Variants in RBFOX1 observed in about 807,000 individuals in gnomAD.
The protein encoded by RBFOX1 is RNA binding protein fox-1 homolog 1.
In RBFOX1, 8 loss-of-function variants were observed where a neutral mutation model predicts 57.7. That is an observed-to-expected ratio of 0.14 (90% CI 0.08 to 0.25). RBFOX1 has a LOEUF of 0.25. RBFOX1 is among the 10% of genes least tolerant of loss of function. RBFOX1 has a pLI of 1.00. For synonymous variants in RBFOX1, 326 were observed against 222.4 expected (o/e 1.47, Z -4.15); for missense variants, 611 against 548.5 (o/e 1.11, Z -1.14).
At chr16:6,252,258 C>T (rs1656993458) in intron 1 of RBFOX1, among the ~76,000 whole-genome samples, 1 of 152,020 alleles carries the variant, frequency 6.6e-6, no homozygotes, top group Non-Finnish European at 1.5e-5. Context: ...CACCCTAAAC[C>T]TGAAAAGAAG....
At chr16:6,044,660 A>G (rs972676980) in intron 1 of RBFOX1, among the ~76,000 whole-genome samples, 13 of 152,232 alleles carry the variant, frequency 8.5e-5, no homozygotes, top group South Asian at 4.1e-4. Flanking sequence ...GGCTTCCTTT[A>G]TATTTTTTAT....
chr16:7,567,140 C>CATATATATCCCTATATATATATCCAT (rs2091887571), intron 5 of RBFOX1, among the ~76,000 whole-genome samples: 22 of 57,676 alleles, frequency 3.8e-4, no homozygotes, highest in Admixed American at 6.8e-4. Context: ...TATGTATATC[C>CATATATATCCCTATATATATATCCAT]ATATATATCC....
chr16:6,210,387 A>G, intron 1 of RBFOX1, among the ~76,000 whole-genome samples: 1 of 147,754 alleles, frequency 6.8e-6, no homozygotes, highest in Non-Finnish European at 1.5e-5. Flanking sequence ...AAGAGAAAGG[A>G]AGGAAGGAAA....
At chr16:5,310,056 C>G (rs1250834815) in intron 1 of RBFOX1, among the ~76,000 whole-genome samples, 3 of 152,162 alleles carry the variant, frequency 2.0e-5, no homozygotes, top group African/African-American at 7.2e-5. Context: ...TCTTAGGATT[C>G]AGCTCTAATG....
intron 1 of RBFOX1, among the ~76,000 whole-genome samples, chr16:6,311,508 G>C (rs2080311628): frequency 6.6e-6 from 1 of 152,106 alleles, no homozygotes; most frequent in South Asian, 2.1e-4. Flanking sequence ...ATTCCATGCT[G>C]TCCTCACTGT....
At chr16:5,896,048 G>A (rs1254413257) in intron 4 of RBFOX1, among the ~76,000 whole-genome samples, 4 of 152,128 alleles carry the variant, frequency 2.6e-5, no homozygotes, top group Non-Finnish European at 5.9e-5. Context: ...CCGAGCCTGA[G>A]AGGGGATTTT....
At chr16:7,023,857 C>G (rs1054960512) in intron 3 of RBFOX1, among the ~76,000 whole-genome samples, 2 of 152,010 alleles carry the variant, frequency 1.3e-5, no homozygotes, top group South Asian at 2.1e-4. Context: ...TTCATCATCC[C>G]TATATATATT....
intron 1 of RBFOX1, among the ~76,000 whole-genome samples, chr16:5,424,731 T>C (rs2067461723): frequency 6.6e-6 from 1 of 151,970 alleles, no homozygotes; most frequent in Non-Finnish European, 1.5e-5. Flanking sequence ...CATGGGTCAG[T>C]TGAATATTGT....
At chr16:7,326,691 C>T (rs2096615874) in intron 4 of RBFOX1, among the ~76,000 whole-genome samples, 1 of 152,056 alleles carries the variant, frequency 6.6e-6, no homozygotes, top group South Asian at 2.1e-4. Context: ...GAGTAGGGCT[C>T]AAGGATGAGT....
chr16:6,621,963 T>C (rs1284184776), intron 2 of RBFOX1, among the ~76,000 whole-genome samples: 1 of 152,192 alleles, frequency 6.6e-6, no homozygotes, highest in African/African-American at 2.4e-5. Flanking sequence ...TACACAAAGG[T>C]GCTACATAAT....
intron 1 of RBFOX1, among the ~76,000 whole-genome samples, chr16:5,373,878 A>C (rs188062452): frequency 6.6e-6 from 1 of 152,240 alleles, no homozygotes; most frequent in Admixed American, 6.5e-5. Context: ...TGTTGGGATT[A>C]CAGGCATGAG....
intron 3 of RBFOX1, among the ~76,000 whole-genome samples, chr16:5,625,643 C>T (rs1247214591): frequency 1.3e-5 from 2 of 151,862 alleles, no homozygotes; most frequent in African/African-American, 2.4e-5. Flanking sequence ...CTGCAACCTC[C>T]GCCTCCTGGG....
chr16:6,816,852 C>T (rs895114077), intron 3 of RBFOX1, among the ~76,000 whole-genome samples: 4 of 152,190 alleles, frequency 2.6e-5, no homozygotes, highest in Admixed American at 1.3e-4. Flanking sequence ...TCAAACAGTC[C>T]TCCCACTTCA....
In RBFOX1 at chr16:5,339,470, GTTTTTTTTTTTTTTTT is replaced by G. The variant is rs560472298; in HGVS notation, c.219+99380_219+99395del. ...AAAAGCTAGAAGCTGCTTTTTCCGT[GTTTTTTTTTTTTTTTT>G]TTTTTTTTTTTTTTGAGATGGAGTC... On this transcript the variant is annotated intron_variant, in intron 1 of 2. Coordinates refer to the RBFOX1 transcript ENST00000585867. Among the ~76,000 whole-genome samples the G allele has an allele frequency of 2.7e-4, 11 of 40,888 alleles. 2 individuals carry two copies. The highest frequency in any genetic ancestry group is 8.4e-4 in the East Asian group (1 of 1,184). The allele number at this position is 40,888 out of a possible 152,430, so 26.8% of individuals were successfully genotyped here.
intron 14 of RBFOX1, among the ~76,000 whole-genome samples, chr16:7,704,457 A>G (rs1388979486): frequency 6.6e-6 from 1 of 152,156 alleles, no homozygotes; most frequent in African/African-American, 2.4e-5. Flanking sequence ...TGTGTCTGGG[A>G]GCAGCTGACC....
intron 3 of RBFOX1, among the ~76,000 whole-genome samples, chr16:6,755,191 A>G (rs9924871): frequency 3.0e-3 from 454 of 152,330 alleles, no homozygotes; most frequent in African/African-American, 0.011. Flanking sequence ...TTATAGCAGC[A>G]TGATTTATAG....
At chr16:7,221,836 TG>T (rs2092754518) in intron 4 of RBFOX1, among the ~76,000 whole-genome samples, 1 of 152,246 alleles carries the variant, frequency 6.6e-6, no homozygotes, top group Non-Finnish European at 1.5e-5. Flanking sequence ...CCTGAAAAGT[TG>T]ATTTCCCTCC....
At chr16:6,378,384 G>C (rs1022004166) in intron 2 of RBFOX1, among the ~76,000 whole-genome samples, 1 of 152,176 alleles carries the variant, frequency 6.6e-6, no homozygotes, top group African/African-American at 2.4e-5. Flanking sequence ...ACAGCTCGCT[G>C]GGCATCTTTC....
At chr16:6,501,987 T>G (rs185791973) in intron 2 of RBFOX1, among the ~76,000 whole-genome samples, 1 of 152,306 alleles carries the variant, frequency 6.6e-6, no homozygotes, top group Non-Finnish European at 1.5e-5. Context: ...TTTACATTCT[T>G]CTAGGGATCG....
Sources: gnomAD v4.1 joint callset for allele counts (sites outside exome capture counted in the v4.1 genomes callset) on GRCh38, gnomAD v4.1.1 for gene constraint, MANE v1.5 for transcripts, NCBI Gene and HGNC (gene_info 2026-07-23, HGNC 2026-07-21) for gene names.